The following NALF1 variants were observed in gnomAD, a reference collection of about 807,000 sequenced individuals.
NALF1 encodes family with sequence similarity 155 member A.
A neutral mutation model predicts 48.4 loss-of-function variants in NALF1; 3 were observed. That is an observed-to-expected ratio of 0.06 (90% CI 0.03 to 0.16). NALF1 has a LOEUF of 0.16. NALF1 is among the 10% of genes least tolerant of loss of function. The probability of loss-of-function intolerance (pLI) is 1.00; values close to 1 mark genes in which losing one functional copy is unlikely to be tolerated. For synonymous variants in NALF1, 262 were observed against 245.7 expected (o/e 1.07, Z -0.62); for missense variants, 526 against 571.5 (o/e 0.92, Z 0.81).
At chr13:107,580,034 C>T (rs1191901268) in intron 1 of NALF1, among the ~76,000 whole-genome samples, 3 of 151,996 alleles carry the variant, frequency 2.0e-5, no homozygotes, top group African/African-American at 7.3e-5. Flanking sequence ...ATAGCAAAGA[C>T]TTGGAACCAA....
At chr13:107,631,961 T>C (rs2138449338) in intron 1 of NALF1, among the ~76,000 whole-genome samples, 1 of 152,316 alleles carries the variant, frequency 6.6e-6, no homozygotes, top group South Asian at 2.1e-4. Context: ...TAAAAACTCC[T>C]ACAGGTTTCA....
At chr13:107,859,914 C>CAAAAAAAAA (rs778833499) in intron 1 of NALF1, among the ~76,000 whole-genome samples, 6 of 66,442 alleles carry the variant, frequency 9.0e-5, no homozygotes, top group Non-Finnish European at 1.5e-4. Context: ...AACTCCAACT[C>CAAAAAAAAA]AAAAAAAAAA....
intron 1 of NALF1, among the ~76,000 whole-genome samples, chr13:107,344,522 T>A (rs1297227065): frequency 2.0e-5 from 3 of 152,182 alleles, no homozygotes; most frequent in African/African-American, 7.2e-5. Flanking sequence ...ATGTACGTGA[T>A]GGCTCACACA....
At chr13:107,310,656 AAC>A (rs1882026669) in intron 1 of NALF1, among the ~76,000 whole-genome samples, 1 of 151,902 alleles carries the variant, frequency 6.6e-6, no homozygotes, top group Middle Eastern at 3.2e-3. Flanking sequence ...TTTATCATAA[AAC>A]ACAATACAAT....
intron 1 of NALF1, among the ~76,000 whole-genome samples, chr13:107,682,226 GAGA>G (rs1881323720): frequency 6.6e-6 from 1 of 152,168 alleles, no homozygotes; most frequent in African/African-American, 2.4e-5. Flanking sequence ...CCTTCATTTT[GAGA>G]AGAAGAGGAA....
intron 1 of NALF1, among the ~76,000 whole-genome samples, chr13:107,405,316 G>C (rs996847199): frequency 1.3e-5 from 2 of 152,016 alleles, no homozygotes; most frequent in Non-Finnish European, 1.5e-5. Context: ...GCAAACCCAT[G>C]CAGAATATGA....
At chr13:107,372,819 T>C (rs1483912436) in intron 1 of NALF1, among the ~76,000 whole-genome samples, 1 of 152,224 alleles carries the variant, frequency 6.6e-6, no homozygotes, top group Non-Finnish European at 1.5e-5. Context: ...CAAGAAACTC[T>C]TAAGAAAATC....
intron 1 of NALF1, among the ~76,000 whole-genome samples, chr13:107,280,898 G>C (rs925345977): frequency 2.0e-5 from 3 of 152,194 alleles, no homozygotes; most frequent in South Asian, 4.1e-4. Flanking sequence ...GAAGGCACAT[G>C]ATCAAAAAGA....
chr13:107,734,568 A>G (rs1448396486), intron 1 of NALF1, among the ~76,000 whole-genome samples: 1 of 152,104 alleles, frequency 6.6e-6, no homozygotes, highest in East Asian at 1.9e-4. Context: ...TACATAGTAA[A>G]ATCTGTGGCA....
chr13:107,617,830 G>A (rs1879420028), intron 1 of NALF1, among the ~76,000 whole-genome samples: 1 of 152,084 alleles, frequency 6.6e-6, no homozygotes, highest in Non-Finnish European at 1.5e-5. Flanking sequence ...GTATTTCCAT[G>A]CTGACCCAAT....
intron 1 of NALF1, among the ~76,000 whole-genome samples, chr13:107,243,639 T>C (rs1054262799): frequency 9.2e-5 from 14 of 152,196 alleles, no homozygotes; most frequent in African/African-American, 3.4e-4. Context: ...TGTGCATCTG[T>C]TTGTAGAGAA....
At position 107,428,179 on chromosome 13, in the gene NALF1, A is replaced by G. The variant is rs140307547; in HGVS notation, c.916-217424T>C. Among the ~76,000 whole-genome samples the G allele has an allele frequency of 1.2e-3, 188 of 152,244 alleles. 1 individual carries two copies. The highest frequency in any genetic ancestry group is 4.2e-3 in the African/African-American group (173 of 41,570). On this transcript the variant is annotated intron_variant, in intron 1 of 2. Coordinates refer to ENST00000375915, the MANE Select transcript of NALF1 (RefSeq NM_001080396.3). ...TGGTGTTTCCCATGAGCAGGGCCCT[A>G]TTTCAAGCCTTTCATAACTATTAAC...
chr13:107,267,180 A>C (rs1405615027), intron 1 of NALF1, among the ~76,000 whole-genome samples: 1 of 152,234 alleles, frequency 6.6e-6, no homozygotes, highest in Non-Finnish European at 1.5e-5. Context: ...GCAAGCAGTC[A>C]ATAAATGCTC....
chr13:107,189,283 G>A (rs1171210246), intron 2 of NALF1, among the ~76,000 whole-genome samples: 1 of 152,034 alleles, frequency 6.6e-6, no homozygotes, highest in African/African-American at 2.4e-5. Context: ...AACACACACT[G>A]CAAAATATCA....
chr13:107,525,165 A>G (rs1876390593), intron 1 of NALF1, among the ~76,000 whole-genome samples: 1 of 152,086 alleles, frequency 6.6e-6, no homozygotes, highest in Non-Finnish European at 1.5e-5. Flanking sequence ...TAGTGTGTAT[A>G]GTTCTATGAA....
chr13:107,468,699 A>ATT (rs1885047767), intron 1 of NALF1, among the ~76,000 whole-genome samples: 1 of 152,210 alleles, frequency 6.6e-6, no homozygotes, highest in Non-Finnish European at 1.5e-5. Context: ...TGAATAACTG[A>ATT]ACTTCTGGAA....
At chr13:107,207,387 G>T (rs997553887) in intron 2 of NALF1, among the ~76,000 whole-genome samples, 1 of 152,138 alleles carries the variant, frequency 6.6e-6, no homozygotes, top group Admixed American at 6.6e-5. Flanking sequence ...GTGTACATTT[G>T]TAGGAGACGG....
chr13:107,688,241 A>G (rs1881483573), intron 1 of NALF1, among the ~76,000 whole-genome samples: 2 of 152,174 alleles, frequency 1.3e-5, no homozygotes, highest in Non-Finnish European at 2.9e-5. Context: ...AACTTCCCCA[A>G]GGCTAGAGAG....
chr13:107,397,511 C>A (rs1034860735), intron 1 of NALF1, among the ~76,000 whole-genome samples: 1 of 152,098 alleles, frequency 6.6e-6, no homozygotes, highest in African/African-American at 2.4e-5. Flanking sequence ...GATTGGCGGG[C>A]ACATCTTGTC....
Sources: gnomAD v4.1 joint callset for allele counts (sites outside exome capture counted in the v4.1 genomes callset) on GRCh38, gnomAD v4.1.1 for gene constraint, MANE v1.5 for transcripts, NCBI Gene and HGNC (gene_info 2026-07-23, HGNC 2026-07-21) for gene names.